ST8SIA4: variants seen among roughly 807,000 people sequenced by gnomAD.
The protein encoded by ST8SIA4 is CMP-N-acetylneuraminate-poly-alpha-2,8-sialyltransferase.
In ST8SIA4, 15 loss-of-function variants were observed where a neutral mutation model predicts 33.9. The observed-to-expected ratio is 0.44, with a 90% CI of 0.30 to 0.68. The LOEUF (loss-of-function observed/expected upper bound fraction) is 0.68. Ranked by LOEUF, ST8SIA4 falls within the 30% of genes least tolerant of loss-of-function variation. The pLI is 0.10. For missense variants in ST8SIA4, 321 were observed against 428.0 expected, an observed-to-expected ratio of 0.75 and a Z score of 2.21; for synonymous variants, 171 against 151.2, an observed-to-expected ratio of 1.13 and a Z score of -0.96.
chr5:100,847,765 C>T lies in ST8SIA4; in HGVS notation c.797+8338G>A, dbSNP rs1036409940. On this transcript the variant is annotated intron_variant, in intron 4 of 4. Coordinates refer to ENST00000231461, the MANE Select transcript of ST8SIA4 (RefSeq NM_005668.6). ...TTAGCTAGATATGTCACTTGATATC[C>T]GTAAGACGTAATTTTTCCCTCTTAC... Among the ~76,000 whole-genome samples, 15 of 151,956 alleles carry T rather than the reference C, an allele frequency of 9.9e-5. 1 individual carries two copies. Among genetic ancestry groups the T allele is most frequent in the Non-Finnish European group, 1.5e-4 (10 of 67,942 alleles).
intron 3 of ST8SIA4, among the ~76,000 whole-genome samples, chr5:100,862,672 G>T (rs1751973897): frequency 6.6e-6 from 1 of 152,162 alleles, no homozygotes; most frequent in Admixed American, 6.5e-5. Flanking sequence ...AAGTAGCTGG[G>T]ATTACAGGCA....
At chr5:100,882,433 G>A (rs545867840) in intron 3 of ST8SIA4, among the ~76,000 whole-genome samples, 1 of 152,160 alleles carries the variant, frequency 6.6e-6, no homozygotes, top group Non-Finnish European at 1.5e-5. Context: ...TTTTAGAAGA[G>A]AAACTGAATA....
chr5:100,897,132 A>T (rs1464147331), intron 1 of ST8SIA4, among the ~76,000 whole-genome samples: 2 of 152,082 alleles, frequency 1.3e-5, no homozygotes, highest in Non-Finnish European at 2.9e-5. Flanking sequence ...GTTGGTGGAG[A>T]GACAGAGATT....
chr5:100,871,071 T>G (rs1375343083), intron 3 of ST8SIA4, among the ~76,000 whole-genome samples: 1 of 152,056 alleles, frequency 6.6e-6, no homozygotes, highest in African/African-American at 2.4e-5. Flanking sequence ...TGTTTGCTAT[T>G]TGCTGTTTGA....
At chr5:100,824,505 T>C (rs1751098804) in intron 4 of ST8SIA4, among the ~76,000 whole-genome samples, 1 of 152,144 alleles carries the variant, frequency 6.6e-6, no homozygotes, top group African/African-American at 2.4e-5. Flanking sequence ...ATGGGAACTC[T>C]TTAAGGGATA....
At chr5:100,886,179 C>A in intron 3 of ST8SIA4, 164 bp downstream of exon 3, 1 of 1,417,956 alleles carries the variant, frequency 7.1e-7, no homozygotes. Context: ...TTATAATATT[C>A]TATTCCAGGG....
chr5:100,830,712 G>T (rs73775645), intron 4 of ST8SIA4, among the ~76,000 whole-genome samples: 2,635 of 152,276 alleles, frequency 0.017, 68 homozygotes, highest in African/African-American at 0.06. Flanking sequence ...ACTGATTATT[G>T]TATAACTTAG....
chr5:100,873,421 T>A (rs940270937), intron 3 of ST8SIA4, among the ~76,000 whole-genome samples: 1 of 151,874 alleles, frequency 6.6e-6, no homozygotes, highest in Non-Finnish European at 1.5e-5. Context: ...CAAAAAAAAA[T>A]GTTATGTAGC....
intron 4 of ST8SIA4, among the ~76,000 whole-genome samples, chr5:100,850,955 T>A (rs1442629984): frequency 1.1e-3 from 7 of 6,360 alleles, no homozygotes; most frequent in Non-Finnish European, 5.8e-3. Flanking sequence ...GTAACCATAC[T>A]TTTTTTTTTT....
intron 4 of ST8SIA4, among the ~76,000 whole-genome samples, chr5:100,853,985 A>ATG (rs55821438): frequency 0.06 from 4,600 of 76,938 alleles, 207 homozygotes; most frequent in African/African-American, 0.2. Context: ...GTGTGTGTGT[A>ATG]TGTGTGTGTG....
intron 4 of ST8SIA4, among the ~76,000 whole-genome samples, chr5:100,847,040 C>A (rs1173054641): frequency 1.3e-5 from 2 of 152,044 alleles, no homozygotes; most frequent in African/African-American, 4.8e-5. Flanking sequence ...AAAGAAATAT[C>A]CTTTCATGGA....
chr5:100,813,933 A>G (rs1442617763), intron 4 of ST8SIA4, among the ~76,000 whole-genome samples: 1 of 152,014 alleles, frequency 6.6e-6, no homozygotes, highest in East Asian at 1.9e-4. Context: ...ATTTGGCAGT[A>G]TGAAGGTCAT....
chr5:100,818,605 T>C (rs1020230502), intron 4 of ST8SIA4, among the ~76,000 whole-genome samples: 1 of 152,194 alleles, frequency 6.6e-6, no homozygotes, highest in Non-Finnish European at 1.5e-5. Context: ...CAGAAGTCTG[T>C]AACTTTAAGA....
intron 3 of ST8SIA4, among the ~76,000 whole-genome samples, chr5:100,865,066 T>C (rs932328335): frequency 2.6e-5 from 4 of 152,206 alleles, no homozygotes; most frequent in African/African-American, 9.6e-5. Flanking sequence ...GTTATGTCCC[T>C]GTCAGGGATA....
At chr5:100,833,870 T>C (rs1302862164) in intron 4 of ST8SIA4, among the ~76,000 whole-genome samples, 1 of 152,160 alleles carries the variant, frequency 6.6e-6, no homozygotes, top group Non-Finnish European at 1.5e-5. Flanking sequence ...CATCTTGCAC[T>C]TATCGTACGG....
intron 4 of ST8SIA4, among the ~76,000 whole-genome samples, chr5:100,836,076 A>G (rs1751356790): frequency 6.6e-6 from 1 of 152,126 alleles, no homozygotes; most frequent in Non-Finnish European, 1.5e-5. Flanking sequence ...ATACCTTGAG[A>G]GAGAAATGAG....
chr5:100,855,139 G>C (rs1478280713), intron 4 of ST8SIA4, among the ~76,000 whole-genome samples: 2 of 152,086 alleles, frequency 1.3e-5, no homozygotes, highest in Non-Finnish European at 2.9e-5. Flanking sequence ...TCATTTGCTT[G>C]ACCTGGTACC....
intron 2 of ST8SIA4, among the ~76,000 whole-genome samples, chr5:100,888,367 A>G (rs1285601397): frequency 1.3e-5 from 2 of 151,918 alleles, no homozygotes; most frequent in Non-Finnish European, 2.9e-5. Flanking sequence ...TTTGACTCAA[A>G]CTATGAACCT....
At chr5:100,847,078 A>C (rs986268027) in intron 4 of ST8SIA4, among the ~76,000 whole-genome samples, 24 of 152,090 alleles carry the variant, frequency 1.6e-4, no homozygotes, top group African/African-American at 5.3e-4. Flanking sequence ...AATACCTAAT[A>C]CGCGGCATCT....
Sources: allele counts gnomAD v4.1 joint callset (sites outside exome capture counted in the v4.1 genomes callset), GRCh38; gene constraint gnomAD v4.1.1; transcripts MANE v1.5; gene names NCBI Gene and HGNC (gene_info 2026-07-23, HGNC 2026-07-21).